The following RBFOX1 variants were observed in gnomAD, a reference collection of about 807,000 sequenced individuals.
RBFOX1 encodes the protein RNA binding protein fox-1 homolog 1.
In RBFOX1, 8 loss-of-function variants were observed where a neutral mutation model predicts 57.7. The ratio of observed to expected loss-of-function variants is 0.14; its 90% CI spans 0.08 to 0.25. The LOEUF (loss-of-function observed/expected upper bound fraction) is 0.25, where lower values mean the gene tolerates loss of function less well. Ranked by LOEUF, RBFOX1 falls within the 10% of genes least tolerant of loss-of-function variation. The pLI is 1.00. For synonymous variants in RBFOX1, 326 were observed against 222.4 expected (o/e 1.47, Z -4.15); for missense variants, 611 against 548.5 (o/e 1.11, Z -1.14).
chr16:7,179,863 T>A (rs984093486), intron 4 of RBFOX1, among the ~76,000 whole-genome samples: 3 of 152,042 alleles, frequency 2.0e-5, no homozygotes, highest in Non-Finnish European at 4.4e-5. Context: ...GCCTCCTGAA[T>A]AGCTGGGATA....
At chr16:6,036,684 C>A (rs531220246) in intron 1 of RBFOX1, among the ~76,000 whole-genome samples, 1 of 152,120 alleles carries the variant, frequency 6.6e-6, no homozygotes, top group Non-Finnish European at 1.5e-5. Context: ...GAGATAGGGA[C>A]AAATACAACA....
intron 2 of RBFOX1, among the ~76,000 whole-genome samples, chr16:6,604,705 C>G (rs1415856836): frequency 2.6e-5 from 4 of 152,152 alleles, no homozygotes; most frequent in African/African-American, 7.2e-5. Context: ...CACATGCACA[C>G]ACACGTATAA....
chr16:7,547,448 G>GA (rs140168671), intron 5 of RBFOX1, among the ~76,000 whole-genome samples: 69 of 152,324 alleles, frequency 4.5e-4, no homozygotes, highest in Non-Finnish European at 8.7e-4. Flanking sequence ...AAAGACAAGA[G>GA]AAGGGGAAAG....
At chr16:6,797,704 G>C (rs2084407974) in intron 3 of RBFOX1, among the ~76,000 whole-genome samples, 1 of 152,112 alleles carries the variant, frequency 6.6e-6, no homozygotes. Flanking sequence ...TCCAACTATA[G>C]GCATTAAAGT....
intron 4 of RBFOX1, among the ~76,000 whole-genome samples, chr16:7,151,934 A>G (rs1216197216): frequency 6.6e-6 from 1 of 152,136 alleles, no homozygotes; most frequent in Non-Finnish European, 1.5e-5. Flanking sequence ...AATGGCTGTA[A>G]ATATAGATGA....
intron 4 of RBFOX1, among the ~76,000 whole-genome samples, chr16:7,443,799 A>C (rs963061492): frequency 6.6e-6 from 1 of 152,198 alleles, no homozygotes; most frequent in African/African-American, 2.4e-5. Context: ...TATACATTAC[A>C]AAACCGAAGT....
At chr16:6,623,656 C>A (rs949317339) in intron 2 of RBFOX1, among the ~76,000 whole-genome samples, 1 of 151,856 alleles carries the variant, frequency 6.6e-6, no homozygotes, top group Non-Finnish European at 1.5e-5. Context: ...CATGTGTTCT[C>A]ATCGTTCAGT....
At chr16:6,593,472 G>C (rs943400821) in intron 2 of RBFOX1, among the ~76,000 whole-genome samples, 1 of 152,084 alleles carries the variant, frequency 6.6e-6, no homozygotes, top group African/African-American at 2.4e-5. Flanking sequence ...GATGACATTT[G>C]CCAGTTTTCC....
chr16:6,943,509 C>T (rs2078922624), intron 3 of RBFOX1, among the ~76,000 whole-genome samples: 1 of 152,032 alleles, frequency 6.6e-6, no homozygotes, highest in Non-Finnish European at 1.5e-5. Flanking sequence ...GAGATTGAGA[C>T]CATCCTGACT....
intron 3 of RBFOX1, among the ~76,000 whole-genome samples, chr16:6,733,910 A>G (rs769405015): frequency 5.3e-5 from 8 of 152,212 alleles, no homozygotes; most frequent in Non-Finnish European, 1.0e-4. Flanking sequence ...TATGCTGTAC[A>G]GGGTTTCAGT....
intron 3 of RBFOX1, among the ~76,000 whole-genome samples, chr16:5,752,394 A>G (rs1232931483): frequency 6.6e-6 from 1 of 152,332 alleles, no homozygotes; most frequent in East Asian, 1.9e-4. Context: ...AAGCTTACCA[A>G]TATAACAAAC....
chr16:6,477,463 C>G (rs1363994842), intron 2 of RBFOX1, among the ~76,000 whole-genome samples: 1 of 152,096 alleles, frequency 6.6e-6, no homozygotes, highest in South Asian at 2.1e-4. Flanking sequence ...TGTCAATGAG[C>G]AGTAATATTT....
At chr16:6,235,594 G>A (rs1391921817) in intron 1 of RBFOX1, among the ~76,000 whole-genome samples, 1 of 146,034 alleles carries the variant, frequency 6.8e-6, no homozygotes, top group South Asian at 2.2e-4. Flanking sequence ...GTGTGTGTGT[G>A]TATACATGAT....
chr16:7,321,093 A>ACATATACATATG (rs2096537448), intron 4 of RBFOX1, among the ~76,000 whole-genome samples: 1 of 148,126 alleles, frequency 6.8e-6, no homozygotes, highest in Non-Finnish European at 1.5e-5. Context: ...ATATACATAT[A>ACATATACATATG]CATATACATA....
intron 3 of RBFOX1, among the ~76,000 whole-genome samples, chr16:6,812,395 C>T (rs865983914): frequency 2.6e-5 from 4 of 152,048 alleles, no homozygotes; most frequent in East Asian, 1.9e-4. Context: ...TTTTTTGAGA[C>T]GGAGTCTGGG....
At chr16:5,681,270 G>T (rs1388950389) in intron 3 of RBFOX1, among the ~76,000 whole-genome samples, 1 of 146,538 alleles carries the variant, frequency 6.8e-6, no homozygotes. Context: ...ATTTTTGGTA[G>T]AGACGGGGTT....
rs533923983 is a variant in RBFOX1, at chr16:7,189,320, G to A, written c.27+137222G>A. 1.3e-3 allele frequency among the ~76,000 whole-genome samples: 194 copies of A among 151,492 alleles called. 1 individual carries two copies. The highest frequency in any genetic ancestry group is 0.013 in the South Asian group (60 of 4,780). On this transcript the variant is annotated intron_variant, in intron 4 of 15. Transcript: ENST00000550418. Reference sequence around the variant, plus strand: ...GGGCGCCTGAAGTCACAGCTACTCAGGAGGCTGAGGCAGGAGAATGGTGTG... The same window carrying A: ...GGGCGCCTGAAGTCACAGCTACTCAAGAGGCTGAGGCAGGAGAATGGTGTG...
At chr16:7,321,181 G>A (rs1028376229) in intron 4 of RBFOX1, among the ~76,000 whole-genome samples, 5 of 150,308 alleles carry the variant, frequency 3.3e-5, no homozygotes, top group Non-Finnish European at 6.0e-5. Flanking sequence ...GTTTTGCTCT[G>A]CTGCCCAGGC....
chr16:6,540,946 G>A (rs1042215319), intron 2 of RBFOX1, among the ~76,000 whole-genome samples: 1 of 152,138 alleles, frequency 6.6e-6, no homozygotes, highest in Non-Finnish European at 1.5e-5. Context: ...TCTGCTATCA[G>A]AGGAAATTCC....
Sources: allele counts gnomAD v4.1 joint callset (sites outside exome capture counted in the v4.1 genomes callset), GRCh38; gene constraint gnomAD v4.1.1; transcripts MANE v1.5; gene names NCBI Gene and HGNC (gene_info 2026-07-23, HGNC 2026-07-21).